The following ULK4 variants were observed in gnomAD, a reference collection of about 807,000 sequenced individuals.
The protein encoded by ULK4 is inactive serine/threonine-protein kinase ULK4.
A neutral mutation model predicts 160.6 loss-of-function variants in ULK4; 133 were observed. The observed-to-expected ratio is 0.83, with a 90% CI of 0.72 to 0.96. The LOEUF (loss-of-function observed/expected upper bound fraction) is 0.96. Among genes scored for constraint, ULK4 ranks in the 40% least tolerant of loss-of-function variants. The probability of loss-of-function intolerance (pLI) is 0.00; values close to 1 mark genes in which losing one functional copy is unlikely to be tolerated. For missense variants in ULK4, 1,580 were observed against 1,499.5 expected, an observed-to-expected ratio of 1.05 and a Z score of -0.89; for synonymous variants, 534 against 539.8, an observed-to-expected ratio of 0.99 and a Z score of 0.15.
Position 41,678,177 on chromosome 3 carries a change from T to TACACACAC in ULK4, c.2978+3323_2978+3330dup, listed in dbSNP as rs752843326. On this transcript the variant is annotated intron_variant, in intron 29 of 36. Coordinates refer to ENST00000301831, the MANE Select transcript of ULK4 (RefSeq NM_017886.4). ...TTTCTTAAAATAAATCTTTATTTCATACACACACACACACACACACACACA... is the reference window on the plus strand; with the variant it reads ...TTTCTTAAAATAAATCTTTATTTCATACACACACACACACACACACACACACACACACA... Among the ~76,000 whole-genome samples the TACACACAC allele has an allele frequency of 4.2e-3, 522 of 123,122 alleles. 2 individuals carry two copies. Among genetic ancestry groups the TACACACAC allele is most frequent in the Middle Eastern group, 0.013 (3 of 232 alleles). 80.8% of individuals were successfully genotyped at this position (123,122 alleles called of 152,430 possible).
At chr3:41,297,669 C>T (rs2079696734) in intron 35 of ULK4, among the ~76,000 whole-genome samples, 1 of 152,200 alleles carries the variant, frequency 6.6e-6, no homozygotes, top group South Asian at 2.1e-4. Context: ...CTGAATTCAA[C>T]TGAAGCCAAA....
chr3:41,660,904 T>C (rs2035129551), intron 30 of ULK4, among the ~76,000 whole-genome samples: 2 of 152,194 alleles, frequency 1.3e-5, no homozygotes, highest in South Asian at 4.1e-4. Context: ...TTAGATATCT[T>C]TGTATATCAA....
intron 22 of ULK4, among the ~76,000 whole-genome samples, chr3:41,735,713 T>TATG (rs1463455188): frequency 2.0e-5 from 3 of 150,334 alleles, no homozygotes; most frequent in African/African-American, 7.3e-5. Flanking sequence ...TTATTATTAT[T>TATG]ATACTTTAAG....
intron 35 of ULK4, among the ~76,000 whole-genome samples, chr3:41,321,667 A>AT (rs1457074300): frequency 6.8e-6 from 1 of 146,396 alleles, no homozygotes; most frequent in Non-Finnish European, 1.5e-5. Context: ...AAGCTTCCTG[A>AT]TAGGAGTCGG....
At chr3:41,652,679 G>A (rs2034789282) in intron 30 of ULK4, among the ~76,000 whole-genome samples, 1 of 152,182 alleles carries the variant, frequency 6.6e-6, no homozygotes, top group East Asian at 1.9e-4. Flanking sequence ...TCATGATGAT[G>A]GCAGGCGGAA....
chr3:41,814,384 G>C (rs2040904675), intron 19 of ULK4, among the ~76,000 whole-genome samples: 1 of 152,252 alleles, frequency 6.6e-6, no homozygotes, highest in Non-Finnish European at 1.5e-5. Context: ...TAGAGAGAAA[G>C]ATGTATGCAT....
intron 19 of ULK4, among the ~76,000 whole-genome samples, chr3:41,807,599 GAGAT>G (rs1033316916): frequency 6.6e-6 from 1 of 152,118 alleles, no homozygotes; most frequent in Non-Finnish European, 1.5e-5. Flanking sequence ...AGAATTAAAT[GAGAT>G]AGCACACAGG....
intron 32 of ULK4, among the ~76,000 whole-genome samples, chr3:41,514,368 AG>A (rs1477427046): frequency 1.3e-5 from 2 of 152,186 alleles, no homozygotes; most frequent in Non-Finnish European, 2.9e-5. Context: ...AAAGACCTGG[AG>A]GGGGTCGTGC....
chr3:41,464,330 C>T lies in ULK4; in HGVS notation c.3227-1077G>A, dbSNP rs532992357. ...AAAGGCAGTGACATAGAATGACAGA[C>T]GCATCAAAGTTATACCTCCTGTGGC... On this transcript the variant is annotated intron_variant, in intron 32 of 36. Transcript: ENST00000301831. 5.9e-5 allele frequency among the ~76,000 whole-genome samples: 9 copies of T among 152,168 alleles called. No individual in the cohort carries two copies. The South Asian group carries it at 1.5e-3, about 25-fold the overall frequency.
intron 29 of ULK4, among the ~76,000 whole-genome samples, chr3:41,679,349 C>T (rs1391509266): frequency 6.6e-6 from 1 of 152,160 alleles, no homozygotes; most frequent in East Asian, 1.9e-4. Flanking sequence ...TATCCCCGTT[C>T]TACAGATGAG....
At chr3:41,286,207 A>G (rs1412193748) in intron 35 of ULK4, among the ~76,000 whole-genome samples, 2 of 152,160 alleles carry the variant, frequency 1.3e-5, no homozygotes, top group East Asian at 3.9e-4. Context: ...CATTATGGTT[A>G]GTTTATGAAG....
At chr3:41,934,411 T>C (rs1372803547) in intron 4 of ULK4, among the ~76,000 whole-genome samples, 7 of 152,242 alleles carry the variant, frequency 4.6e-5, no homozygotes, top group Non-Finnish European at 1.0e-4. Flanking sequence ...GCTTTTTCTT[T>C]CCTTGGCACA....
Position 41,715,477 on chromosome 3 carries a change from C to A in ULK4, c.2547G>T (p.Met849Ile), listed in dbSNP as rs2037235438. 3 of 1,613,996 alleles carry A rather than the reference C, an allele frequency of 1.9e-6. No homozygotes were observed. In the South Asian group the frequency reaches 3.3e-5, roughly 18 times the overall value. The change falls in exon 24 of 37, where the codon ATG (methionine) becomes ATT (isoleucine). Residue 849 changes from methionine to isoleucine, a missense_variant. Transcript: ENST00000301831. Reference protein sequence around the residue: ...VKQLKLCLPLMPVVLHLVTSQ... With the variant: ...VKQLKLCLPLIPVVLHLVTSQ... Reference sequence around the variant, plus strand: ...AAGTTACGAGGTGAAGCACTACAGGCATCAGGGGGAGACACAACTTCAGCT... The same window carrying A: ...AAGTTACGAGGTGAAGCACTACAGGAATCAGGGGGAGACACAACTTCAGCT...
chr3:41,498,191 G>A (rs958990602), intron 32 of ULK4, among the ~76,000 whole-genome samples: 3 of 152,156 alleles, frequency 2.0e-5, no homozygotes, highest in African/African-American at 7.2e-5. Flanking sequence ...AAACTGAAAT[G>A]TTTGAGTGTG....
At chr3:41,665,965 T>A (rs1054946775) in intron 29 of ULK4, among the ~76,000 whole-genome samples, 1 of 152,182 alleles carries the variant, frequency 6.6e-6, no homozygotes, top group South Asian at 2.1e-4. Context: ...AGGATGCAGA[T>A]TAAAATCAGC....
chr3:41,323,921 T>A (rs2080293862), intron 35 of ULK4, among the ~76,000 whole-genome samples: 1 of 152,206 alleles, frequency 6.6e-6, no homozygotes, highest in Non-Finnish European at 1.5e-5. Context: ...CTTCCCTGGG[T>A]TCATAAACTG....
intron 17 of ULK4, among the ~76,000 whole-genome samples, chr3:41,873,499 A>G (rs551767956): frequency 7.7e-4 from 117 of 151,980 alleles, no homozygotes; most frequent in Non-Finnish European, 1.5e-3. Flanking sequence ...TGTGTATTCC[A>G]AAGTCTTTTT....
intron 34 of ULK4, among the ~76,000 whole-genome samples, chr3:41,441,784 G>A (rs58944468): frequency 1.4e-4 from 22 of 151,908 alleles, no homozygotes; most frequent in Non-Finnish European, 2.1e-4. Context: ...ATTAACAAAC[G>A]GGCACTGAAA....
At chr3:41,370,310 C>T (rs889496440) in intron 35 of ULK4, among the ~76,000 whole-genome samples, 3 of 151,924 alleles carry the variant, frequency 2.0e-5, no homozygotes, top group Non-Finnish European at 4.4e-5. Context: ...AGAAAGAAAC[C>T]AGAGACTATC....
Sources: allele counts gnomAD v4.1 joint callset (sites outside exome capture counted in the v4.1 genomes callset), GRCh38; gene constraint gnomAD v4.1.1; transcripts MANE v1.5; gene names NCBI Gene and HGNC (gene_info 2026-07-23, HGNC 2026-07-21).